Variants in DNAH14 observed in about 807,000 individuals in gnomAD.
DNAH14 encodes dynein axonemal heavy chain 14, also known as axonemal beta dynein heavy chain 14.
DNAH14 carries 478 observed loss-of-function variants against 520.9 expected under a neutral mutation model. The observed-to-expected ratio is 0.92, with a 90% CI of 0.85 to 0.99. The LOEUF (loss-of-function observed/expected upper bound fraction) is 0.99. DNAH14 is among the 50% of genes least tolerant of loss of function. The pLI is 0.00. For synonymous variants in DNAH14, 1,581 were observed against 1,757.2 expected (o/e 0.90, Z 2.51); for missense variants, 4,831 against 5,234.5 (o/e 0.92, Z 2.38).
chr1:225,035,120 C>T (rs904941686), intron 11 of DNAH14, among the ~76,000 whole-genome samples: 4 of 151,870 alleles, frequency 2.6e-5, no homozygotes, highest in African/African-American at 9.7e-5. Context: ...TATTTCTTGT[C>T]TTCTGCTAGC....
intron 27 of DNAH14, among the ~76,000 whole-genome samples, chr1:225,126,682 A>C (rs1035412786): frequency 3.9e-5 from 6 of 151,968 alleles, no homozygotes; most frequent in Non-Finnish European, 7.4e-5. Flanking sequence ...TAATTTTTTG[A>C]AGGGTTTTTT....
At chr1:225,182,520 T>C (rs1053343542) in intron 36 of DNAH14, among the ~76,000 whole-genome samples, 3 of 152,108 alleles carry the variant, frequency 2.0e-5, no homozygotes, top group African/African-American at 7.2e-5. Context: ...AAATAATTAG[T>C]TGAGAGATCA....
intron 84 of DNAH14, among the ~76,000 whole-genome samples, chr1:225,394,447 C>A (rs1182723459): frequency 6.6e-6 from 1 of 152,138 alleles, no homozygotes; most frequent in Non-Finnish European, 1.5e-5. Flanking sequence ...TTTTTATGTT[C>A]TGTTTAAGAA....
chr1:225,190,864 CTG>C (rs2085336265), intron 37 of DNAH14, among the ~76,000 whole-genome samples: 1 of 151,940 alleles, frequency 6.6e-6, no homozygotes, highest in Non-Finnish European at 1.5e-5. Context: ...GTTACCCAGA[CTG>C]TGGTATTTTG....
At chr1:225,342,726 T>C (rs6426063) in intron 69 of DNAH14, among the ~76,000 whole-genome samples, 73,355 of 151,446 alleles carry the variant, frequency 0.48, 18,392 homozygotes, top group African/African-American at 0.62. Context: ...ACACATTCTA[T>C]TTATCAATCT....
At chr1:225,151,124 T>C (rs1250088886) in intron 31 of DNAH14, among the ~76,000 whole-genome samples, 1 of 152,244 alleles carries the variant, frequency 6.6e-6, no homozygotes, top group Non-Finnish European at 1.5e-5. Flanking sequence ...TATTTATTAG[T>C]ATTACTAATG....
At chr1:225,375,750 CTT>C (rs57680981) in intron 78 of DNAH14, among the ~76,000 whole-genome samples, 2 of 144,696 alleles carry the variant, frequency 1.4e-5, no homozygotes, top group Admixed American at 6.9e-5. Context: ...GCTATGAGGG[CTT>C]TTTTTTTTTT....
chr1:225,374,816 G>C lies in DNAH14; in HGVS notation c.12447G>C (p.Leu4149Phe). ...RVIDNWDKRC[L>F]KTLLYKFCNP... The stretch of plus-strand genomic sequence containing the variant: ...TTGATAATTGGGACAAGCGATGCTT[G>C]AAGACCCTACTCTACAAATTTTGTA... The change falls in exon 78 of 86, where the codon TTG becomes TTC. Residue 4149 changes from leucine (L) to phenylalanine (F), a missense_variant. Coordinates refer to ENST00000682510, the MANE Select transcript of DNAH14 (RefSeq NM_001367479.1). The C allele has an allele frequency of 6.4e-7, 1 of 1,551,612 alleles. No individual in the cohort carries two copies. The highest frequency in any genetic ancestry group is 8.7e-7 in the Non-Finnish European group (1 of 1,146,952).
chr1:224,993,956 A>G (rs2449289), intron 8 of DNAH14, among the ~76,000 whole-genome samples: 13,982 of 151,974 alleles, frequency 0.092, 2,077 homozygotes, highest in African/African-American at 0.31. Context: ...GTGCAAGAAC[A>G]TGTTGTTTTG....
At chr1:225,350,357 C>T (rs1322795994) in intron 71 of DNAH14, among the ~76,000 whole-genome samples, 2 of 151,414 alleles carry the variant, frequency 1.3e-5, no homozygotes, top group Non-Finnish European at 2.9e-5. Context: ...CCTCAAGAAA[C>T]TAGAAAAACA....
chr1:224,934,672 A>G (rs1002139019), intron 1 of DNAH14, among the ~76,000 whole-genome samples: 1 of 151,854 alleles, frequency 6.6e-6, no homozygotes, highest in African/African-American at 2.4e-5. Flanking sequence ...ACATTCAGAC[A>G]CTAGAGGCTC....
intron 25 of DNAH14, among the ~76,000 whole-genome samples, chr1:225,118,899 A>G (rs905322553): frequency 4.6e-5 from 7 of 151,726 alleles, no homozygotes; most frequent in Admixed American, 3.3e-4. Flanking sequence ...AAAAAAAAAA[A>G]AAAAAGAAAA....
chr1:225,236,636 C>T (rs181939114), intron 42 of DNAH14, among the ~76,000 whole-genome samples: 2 of 152,216 alleles, frequency 1.3e-5, no homozygotes, highest in East Asian at 3.9e-4. Context: ...TATCTGGGTG[C>T]TCCTGTATTG....
In DNAH14 at chr1:225,192,733, T is replaced by G; in HGVS notation, c.5708T>G (p.Leu1903Ter). 6.5e-7 allele frequency: 1 copy of G among 1,549,524 alleles called. No homozygotes were observed. The highest frequency in any genetic ancestry group is 8.7e-7 in the Non-Finnish European group (1 of 1,145,690). The change falls in exon 38 of 86, where the codon TTA becomes TGA. Residue 1903 changes from leucine (L) to a stop codon, truncating the protein, a stop_gained. Transcript: ENST00000682510. LOFTEE classifies it high-confidence loss of function. ...ERKGKVDICV[L>*]NPKCVTLSEL... ...AAAGGAAAAGTAGATATTTGTGTTTTAAATCCAAAGTGTGTCACTCTCAGT... is the reference window on the plus strand; with the variant it reads ...AAAGGAAAAGTAGATATTTGTGTTTGAAATCCAAAGTGTGTCACTCTCAGT...
intron 23 of DNAH14, among the ~76,000 whole-genome samples, chr1:225,115,672 G>A (rs989242990): frequency 1.3e-5 from 2 of 152,140 alleles, no homozygotes; most frequent in East Asian, 1.9e-4. Flanking sequence ...GATTGATTCT[G>A]GTTAATAATA....
chr1:225,287,801 A>G (rs972611629), intron 54 of DNAH14, among the ~76,000 whole-genome samples: 1 of 152,106 alleles, frequency 6.6e-6, no homozygotes, highest in Non-Finnish European at 1.5e-5. Context: ...CTGTAGTGCT[A>G]CAAGTGAAGT....
intron 43 of DNAH14, among the ~76,000 whole-genome samples, chr1:225,247,492 G>A (rs936382846): frequency 6.6e-5 from 10 of 152,120 alleles, no homozygotes; most frequent in African/African-American, 2.4e-4. Context: ...AGAAGAAAAA[G>A]ATATGGAAGA....
At chr1:224,946,984 C>T (rs2059885204) in intron 1 of DNAH14, among the ~76,000 whole-genome samples, 1 of 142,306 alleles carries the variant, frequency 7.0e-6, no homozygotes, top group Non-Finnish European at 1.5e-5. Flanking sequence ...GTGGCCTGAT[C>T]TCGGCTCACT....
chr1:224,946,247 G>A (rs888717502), intron 1 of DNAH14, among the ~76,000 whole-genome samples: 1 of 152,180 alleles, frequency 6.6e-6, no homozygotes, highest in Non-Finnish European at 1.5e-5. Context: ...TCAGACTGCT[G>A]TGCTAGCAAT....
Sources: allele counts gnomAD v4.1 joint callset (sites outside exome capture counted in the v4.1 genomes callset), GRCh38; gene constraint gnomAD v4.1.1; transcripts MANE v1.5; gene names NCBI Gene and HGNC (gene_info 2026-07-23, HGNC 2026-07-21).